TMEM132B: variants seen among roughly 807,000 people sequenced by gnomAD.
TMEM132B encodes the protein transmembrane protein 132B.
A neutral mutation model predicts 90.8 loss-of-function variants in TMEM132B; 18 were observed. That is an observed-to-expected ratio of 0.20 (90% CI 0.14 to 0.29). The LOEUF is 0.29. Among genes scored for constraint, TMEM132B ranks in the 10% least tolerant of loss-of-function variants. The pLI, the probability that TMEM132B is intolerant of heterozygous loss-of-function variation, is 1.00. For missense variants in TMEM132B, 1,096 were observed against 1,326.8 expected, an observed-to-expected ratio of 0.83 and a Z score of 2.70; for synonymous variants, 504 against 523.3, an observed-to-expected ratio of 0.96 and a Z score of 0.50.
chr12:125,457,762 C>T (rs1270434740), intron 3 of TMEM132B, among the ~76,000 whole-genome samples: 1 of 152,080 alleles, frequency 6.6e-6, no homozygotes, highest in African/African-American at 2.4e-5. Flanking sequence ...GAGCATGAAG[C>T]ATAGGCCTGT....
chr12:125,582,020 A>T (rs1456802925), intron 4 of TMEM132B, among the ~76,000 whole-genome samples: 1 of 152,146 alleles, frequency 6.6e-6, no homozygotes, highest in East Asian at 1.9e-4. Flanking sequence ...ACATGTAAAA[A>T]ACAAACTTAA....
chr12:125,615,980 T>C (rs1309074936), intron 5 of TMEM132B, among the ~76,000 whole-genome samples: 1 of 152,182 alleles, frequency 6.6e-6, no homozygotes, highest in Non-Finnish European at 1.5e-5. Context: ...TTAGGGTACA[T>C]GTGCACAACA....
In TMEM132B at chr12:125,415,756, G is replaced by A. The variant is rs1030511450; in HGVS notation, c.1106+79G>A. ...GCCAGAGCTGATAGCAAAATAATGT[G>A]CGTGTGGATAAAGCGATGCCTCTGC... On this transcript the variant is annotated intron_variant, in intron 3 of 8. Coordinates refer to ENST00000682704, the MANE Select transcript of TMEM132B (RefSeq NM_001366854.1). This position sits in a 1 kb window ranked among gnomAD's most constrained non-coding sequence, Gnocchi z 5.3. 7.1e-6 allele frequency: 11 copies of A among 1,546,780 alleles called. No individual in the cohort carries two copies. The Admixed American group carries it at 9.8e-5, about 14-fold the overall frequency.
intron 1 of TMEM132B, among the ~76,000 whole-genome samples, chr12:125,216,953 C>T (rs1329278720): frequency 1.3e-5 from 2 of 152,238 alleles, no homozygotes; most frequent in Non-Finnish European, 1.5e-5. Context: ...GCTTCACAAG[C>T]TGGAGCCGTC....
chr12:125,432,503 G>GTATGTGTATATATATGTA (rs1566034816), intron 3 of TMEM132B, among the ~76,000 whole-genome samples: 1 of 13,910 alleles, frequency 7.2e-5, no homozygotes, highest in African/African-American at 4.5e-4. Context: ...GTATATATAT[G>GTATGTGTATATATATGTA]TGTGTGTGTA....
At chr12:125,334,928 G>A (rs958547324) in intron 1 of TMEM132B, among the ~76,000 whole-genome samples, 2 of 152,214 alleles carry the variant, frequency 1.3e-5, no homozygotes, top group Middle Eastern at 3.2e-3. Flanking sequence ...CTGAGCGTGC[G>A]GCCCTGGAAT....
intron 1 of TMEM132B, among the ~76,000 whole-genome samples, chr12:125,307,383 G>A (rs2136170907): frequency 6.6e-6 from 1 of 152,168 alleles, no homozygotes; most frequent in East Asian, 1.9e-4. Flanking sequence ...CAGTCTGTAT[G>A]GTTGTGATTC....
At chr12:125,350,857 G>A (rs763600458) in intron 2 of TMEM132B, among the ~76,000 whole-genome samples, 2 of 152,190 alleles carry the variant, frequency 1.3e-5, no homozygotes, top group African/African-American at 2.4e-5. Context: ...GGTCAGGGGC[G>A]TATCATCAGG....
At chr12:125,250,959 C>T (rs1874305119) in intron 1 of TMEM132B, among the ~76,000 whole-genome samples, 2 of 152,234 alleles carry the variant, frequency 1.3e-5, no homozygotes, top group Non-Finnish European at 2.9e-5. Context: ...TTCAGCATTT[C>T]CTCTGCTTCA....
At chr12:125,322,802 A>T (rs567724006) in intron 1 of TMEM132B, among the ~76,000 whole-genome samples, 1 of 152,200 alleles carries the variant, frequency 6.6e-6, no homozygotes, top group African/African-American at 2.4e-5. Context: ...TTGCACAGGC[A>T]GTCAACATGA....
chr12:125,199,469 G>A (rs1446218695), intron 1 of TMEM132B, among the ~76,000 whole-genome samples: 8 of 152,222 alleles, frequency 5.3e-5, no homozygotes, highest in Admixed American at 5.2e-4. Context: ...CTGGGGGGCT[G>A]TGATACAGTG....
intron 4 of TMEM132B, among the ~76,000 whole-genome samples, chr12:125,551,882 G>A (rs968368795): frequency 1.3e-5 from 2 of 152,068 alleles, no homozygotes; most frequent in African/African-American, 4.8e-5. Context: ...GGTCCTGGTG[G>A]CAACACAGGA....
intron 5 of TMEM132B, among the ~76,000 whole-genome samples, chr12:125,597,456 C>T (rs928158025): frequency 6.6e-6 from 1 of 152,154 alleles, no homozygotes; most frequent in East Asian, 1.9e-4. Context: ...TTCTAACTCT[C>T]TTAGAACTGC....
intron 4 of TMEM132B, among the ~76,000 whole-genome samples, chr12:125,574,281 C>T (rs572438702): frequency 5.9e-5 from 9 of 152,142 alleles, no homozygotes; most frequent in Admixed American, 3.3e-4. Flanking sequence ...GTCACAATCC[C>T]GAGCACATAG....
At chr12:125,633,271 T>G (rs770854912) in intron 5 of TMEM132B, among the ~76,000 whole-genome samples, 2 of 152,228 alleles carry the variant, frequency 1.3e-5, no homozygotes, top group Non-Finnish European at 2.9e-5. Flanking sequence ...CTGCTTGTTT[T>G]TAATTATTTC....
At position 125,609,188 on chromosome 12, in the gene TMEM132B, G is replaced by A. The variant is rs553459046; in HGVS notation, c.1437+25194G>A. ...CGCCCTTGACTCGTGAGGATTATGGGGATTACAATTCAAGGTGATATTTGG... is the reference window on the plus strand; with the variant it reads ...CGCCCTTGACTCGTGAGGATTATGGAGATTACAATTCAAGGTGATATTTGG... On this transcript the variant is annotated intron_variant, in intron 5 of 8. Coordinates refer to ENST00000682704, the MANE Select transcript of TMEM132B (RefSeq NM_001366854.1). 2.6e-5 allele frequency among the ~76,000 whole-genome samples: 4 copies of A among 152,136 alleles called. No individual in the cohort carries two copies. In the South Asian group the frequency reaches 8.3e-4, roughly 32 times the overall value.
chr12:125,563,598 C>CAAACAAACAAACAAA (rs774597550), intron 4 of TMEM132B, among the ~76,000 whole-genome samples: 3 of 150,180 alleles, frequency 2.0e-5, no homozygotes, highest in African/African-American at 7.4e-5. Context: ...AACAAACAAA[C>CAAACAAACAAACAAA]AAAAAAAAAC....
intron 3 of TMEM132B, among the ~76,000 whole-genome samples, chr12:125,436,589 C>T (rs1045313559): frequency 1.3e-5 from 2 of 152,124 alleles, no homozygotes; most frequent in African/African-American, 2.4e-5. Flanking sequence ...TCGAAGATTG[C>T]CAGCAACCAC....
chr12:125,650,375 C>T (rs1322253995), intron 6 of TMEM132B, among the ~76,000 whole-genome samples: 2 of 152,132 alleles, frequency 1.3e-5, no homozygotes, highest in African/African-American at 2.4e-5. Flanking sequence ...TCCTCCATCC[C>T]ACAGGGGAAT....
Sources: allele counts gnomAD v4.1 joint callset (sites outside exome capture counted in the v4.1 genomes callset), GRCh38; gene constraint gnomAD v4.1.1; non-coding constraint Gnocchi (gnomAD v3.1); transcripts MANE v1.5; gene names NCBI Gene and HGNC (gene_info 2026-07-23, HGNC 2026-07-21).